HCN2: variants seen among roughly 807,000 people sequenced by gnomAD.
HCN2 encodes the protein hyperpolarization activated cyclic nucleotide gated potassium and sodium channel 2.
Under a neutral mutation model 52.3 loss-of-function variants are expected in HCN2, and 20 were observed. That is an observed-to-expected ratio of 0.38 (90% CI 0.27 to 0.56). The LOEUF is 0.56. HCN2 is among the 20% of genes least tolerant of loss of function. The probability of loss-of-function intolerance (pLI) is 0.71; values close to 1 mark genes in which losing one functional copy is unlikely to be tolerated. For missense variants in HCN2, 981 were observed against 1,207.7 expected, an observed-to-expected ratio of 0.81 and a Z score of 2.78; for synonymous variants, 694 against 537.0, an observed-to-expected ratio of 1.29 and a Z score of -4.04.
rs1448009725 is a variant in HCN2 at position 590,533 on chromosome 19, C to T, written c.588C>T (p.Val196=). Residue 196 remains valine (V), a synonymous_variant, in exon 1 of 8, where the codon GTC becomes GTT. Transcript: ENST00000251287. This position sits in a 1 kb window ranked among gnomAD's most constrained non-coding sequence, Gnocchi z 7.2. ...QKAVEREQER[V]KSAGAWIIHP... is the part of the protein sequence containing the mutation. ...CCGTGGAGCGCGAGCAGGAGCGCGTCAAGTCGGCGGGGGCCTGGATCATCC... is the reference window on the plus strand; with the variant it reads ...CCGTGGAGCGCGAGCAGGAGCGCGTTAAGTCGGCGGGGGCCTGGATCATCC... The T allele has an allele frequency of 6.6e-7, 1 of 1,511,080 alleles. No individual in the cohort carries two copies. Among genetic ancestry groups the T allele is most frequent in the Non-Finnish European group, 8.9e-7 (1 of 1,123,020 alleles). The allele number at this position is 1,511,080 out of a possible 1,614,324, so 93.6% of individuals were successfully genotyped here.
chr19:590,095 G>GC lies in HCN2; in HGVS notation c.157dup (p.Gln53ProfsTer16). On this transcript the variant is annotated frameshift_variant, in exon 1 of 8. Transcript: ENST00000251287. LOFTEE classifies it high-confidence loss of function. This position sits in a 1 kb window ranked among gnomAD's most constrained non-coding sequence, Gnocchi z 7.2. ...CGCCCCCCCCGGGCCCCGGGCCCGC[G>GC]CCCCCCCAGCACCCGCCCCGGGCCG... The GC allele has an allele frequency of 4.2e-6, 3 of 711,112 alleles. No individual in the cohort carries two copies. Among genetic ancestry groups the GC allele is most frequent in the Non-Finnish European group, 5.1e-6 (3 of 587,854 alleles). The allele number at this position is 711,112 out of a possible 1,614,324, so 44.1% of individuals were successfully genotyped here.
At position 613,473 on chromosome 19, in the gene HCN2, G is replaced by A. The variant is rs1188393021; in HGVS notation, c.1810G>A (p.Gly604Ser). 1.2e-6 allele frequency: 2 copies of A among 1,604,468 alleles called. No homozygotes were observed. Among genetic ancestry groups the A allele is most frequent in the Non-Finnish European group, 1.7e-6 (2 of 1,175,430 alleles). Residue 604 changes from glycine to serine, a missense_variant, in exon 6 of 8, where the codon GGC becomes AGC. Transcript: ENST00000251287. ...CAACAAGGAGATGAAGCTGTCCGAT[G>A]GCTCCTACTTCGGGGGTGAGCTTGA... ...KGNKEMKLSD[G>S]SYFGEICLLT...
At chr19:613,643 ATGGGGATGGGGATGGGG>A in intron 6 of HCN2, among the ~76,000 whole-genome samples, 155 bp downstream of exon 6, 1 of 10,228 alleles carries the variant, frequency 9.8e-5, no homozygotes, top group Admixed American at 9.9e-4. Context: ...GGGGCCGGGG[ATGGGGATGGGGATGGGG>A]CCGGGGATGG....
rs1210811843 is a variant in HCN2 at position 616,521 on chromosome 19, G to A, written c.*47G>A. On this transcript the variant is annotated 3_prime_UTR_variant, in exon 8 of 8. Coordinates refer to ENST00000251287, the MANE Select transcript of HCN2 (RefSeq NM_001194.4). ...GCCCAGGCGGGCCGGGGGCGGGGCC[G>A]TCATCCAGACCAAAGCCATGCCATT... 5.3e-6 allele frequency: 6 copies of A among 1,124,022 alleles called. No homozygotes were observed. In the South Asian group the frequency reaches 1.1e-4, roughly 20 times the overall value. 69.6% of individuals were successfully genotyped at this position (1,124,022 alleles called of 1,614,324 possible). A position where few individuals can be genotyped will look rare whatever the true frequency, so the allele number is the denominator to read the frequency against.
In HCN2 at chr19:590,042, C is replaced by A; in HGVS notation, c.97C>A (p.Gln33Lys). The A allele has an allele frequency of 3.2e-6, 2 of 620,820 alleles. No individual in the cohort carries two copies. The highest frequency in any genetic ancestry group is 3.9e-6 in the Non-Finnish European group (2 of 507,100). The allele number at this position is 620,820 out of a possible 1,614,324, so 38.5% of individuals were successfully genotyped here. A position where few individuals can be genotyped will look rare whatever the true frequency, so the allele number is the denominator to read the frequency against. ...GCCGCCGCCGCCCGCGCCCCCCCAA[C>A]AGCAGCCGCCGCCGCCGCCGCCGCC... Reference protein sequence around the residue: ...PPPPPPAPPQQQPPPPPPPAP... With the variant: ...PPPPPPAPPQKQPPPPPPPAP... Residue 33 changes from glutamine to lysine, a missense_variant, in exon 1 of 8, where the codon CAG becomes AAG. Physicochemically the swap from Gln to Lys is moderately conservative, Grantham distance 53 (BLOSUM62 1). This residue lies in a region of HCN2 where 215 missense variants were observed against 179.4 expected (regional missense o/e 1.20). Transcript: ENST00000251287. This position sits in a 1 kb window ranked among gnomAD's most constrained non-coding sequence, Gnocchi z 7.2.
At chr19:603,064 C>T (rs7254986) in intron 1 of HCN2, among the ~76,000 whole-genome samples, 69 of 83,896 alleles carry the variant, frequency 8.2e-4, no homozygotes, top group Admixed American at 1.1e-3. Context: ...TGGGCACCCT[C>T]GCCCCCCAGG....
chr19:612,375 C>T (rs372148427), intron 5 of HCN2, among the ~76,000 whole-genome samples: 11 of 143,284 alleles, frequency 7.7e-5, no homozygotes, highest in African/African-American at 2.1e-4. Context: ...ATAGTCTGAC[C>T]GAATGTAGCT....
chr19:614,222 G>A (rs80106438), intron 7 of HCN2, among the ~76,000 whole-genome samples: 5,123 of 152,248 alleles, frequency 0.034, 299 homozygotes, highest in African/African-American at 0.12. Flanking sequence ...GCGGCTGGCC[G>A]CTCCTAGGAC....
At chr19:599,847 C>CGTGTGTGTGTGTGTGTGTGTGTGTGT (rs34793549) in intron 1 of HCN2, among the ~76,000 whole-genome samples, 1 of 133,302 alleles carries the variant, frequency 7.5e-6, no homozygotes, top group African/African-American at 2.9e-5. Flanking sequence ...GAAGGGGTCC[C>CGTGTGTGTGTGTGTGTGTGTGTGTGT]GTGTGTGTGT....
intron 1 of HCN2, among the ~76,000 whole-genome samples, chr19:594,248 G>C (rs888758738): frequency 6.6e-6 from 1 of 152,192 alleles, no homozygotes; most frequent in Non-Finnish European, 1.5e-5. Context: ...GGCAGACCTG[G>C]CGGGGTGGAG....
At chr19:606,053 C>G (rs940901074) in intron 3 of HCN2, among the ~76,000 whole-genome samples, 1 of 152,162 alleles carries the variant, frequency 6.6e-6, no homozygotes, top group African/African-American at 2.4e-5. Flanking sequence ...AGCGCGTTTT[C>G]CAATGGATTT....
Position 613,387 on chromosome 19 carries a change from G to A in HCN2, c.1724G>A (p.Gly575Asp). ...FQPGDYIIRE[G>D]TIGKKMYFIQ... The stretch of plus-strand genomic sequence containing the variant: ...CCGGGTGACTACATCATCCGCGAAG[G>A]CACCATCGGGAAGAAGATGTACTTC... Residue 575 changes from glycine to aspartate, a missense_variant, in exon 6 of 8, where the codon GGC (glycine) becomes GAC (aspartate). By Grantham distance (94) the Gly-to-Asp change is moderately conservative. This residue lies in a region of HCN2 where 282 missense variants were observed against 553.8 expected (regional missense o/e 0.51). Transcript: ENST00000251287. 3 of 1,612,860 alleles carry A rather than the reference G, an allele frequency of 1.9e-6. No individual in the cohort carries two copies. Among genetic ancestry groups the A allele is most frequent in the Non-Finnish European group, 2.5e-6 (3 of 1,179,854 alleles).
intron 1 of HCN2, among the ~76,000 whole-genome samples, chr19:596,418 G>A (rs116779304): frequency 0.071 from 10,739 of 152,242 alleles, 561 homozygotes; most frequent in Admixed American, 0.15. Context: ...AGGCCGGAAG[G>A]TTTCCCCAGG....
intron 5 of HCN2, among the ~76,000 whole-genome samples, chr19:612,105 A>AC (rs1983662107): frequency 6.6e-6 from 1 of 152,000 alleles, no homozygotes; most frequent in South Asian, 2.1e-4. Flanking sequence ...AGATTGTGCC[A>AC]CTGCACTCCA....
At chr19:610,949 C>G (rs1034540995) in intron 5 of HCN2, among the ~76,000 whole-genome samples, 1 of 152,208 alleles carries the variant, frequency 6.6e-6, no homozygotes, top group African/African-American at 2.4e-5. Context: ...TCCTTCCTGC[C>G]TCTTCCGGCG....
At chr19:609,991 CT>C (rs1983554557) in intron 4 of HCN2, among the ~76,000 whole-genome samples, 2 of 152,244 alleles carry the variant, frequency 1.3e-5, no homozygotes, top group African/African-American at 2.4e-5. Flanking sequence ...CTGGCCGCCC[CT>C]GTGTGTGGCG....
chr19:600,606 G>C (rs1458821936), intron 1 of HCN2, among the ~76,000 whole-genome samples: 1 of 151,432 alleles, frequency 6.6e-6, no homozygotes, highest in Non-Finnish European at 1.5e-5. Flanking sequence ...TTGCCTCCCA[G>C]AGTGCTGGGA....
Position 616,232 on chromosome 19 carries a change from G to A in HCN2, c.2428G>A (p.Ala810Thr), listed in dbSNP as rs1223593610. ...AAPLAGPALP[A>T]RRLSRASRPL... The stretch of plus-strand genomic sequence containing the variant: ...CCCCCTTGCTGGGCCCGCCCTGCCC[G>A]CGCGCCGCCTGAGCCGCGCGTCGCG... The change falls in exon 8 of 8, where the codon GCG (alanine) becomes ACG (threonine). Residue 810 changes from alanine (A) to threonine (T), a missense_variant. Ala to Thr is a moderately conservative substitution (Grantham distance 58). Coordinates refer to ENST00000251287, the MANE Select transcript of HCN2 (RefSeq NM_001194.4). 9.1e-6 allele frequency: 9 copies of A among 990,528 alleles called. No individual in the cohort carries two copies. Among genetic ancestry groups the A allele is most frequent in the African/African-American group, 9.0e-5 (5 of 55,696 alleles). 61.4% of individuals were successfully genotyped at this position (990,528 alleles called of 1,614,324 possible).
chr19:609,174 G>T (rs1333889106), intron 4 of HCN2, among the ~76,000 whole-genome samples: 2 of 152,164 alleles, frequency 1.3e-5, no homozygotes, highest in Non-Finnish European at 2.9e-5. Flanking sequence ...GCCACCACCC[G>T]CCCGCCGTCA....
Sources: allele counts gnomAD v4.1 joint callset (sites outside exome capture counted in the v4.1 genomes callset), GRCh38; gene constraint gnomAD v4.1.1; regional missense constraint gnomAD v4.1.1; non-coding constraint Gnocchi (gnomAD v3.1); transcripts MANE v1.5; gene names NCBI Gene and HGNC (gene_info 2026-07-23, HGNC 2026-07-21).